TSLP: variants seen among roughly 807,000 people sequenced by gnomAD.
TSLP encodes the protein thymic stromal lymphopoietin, also known as thymic stroma-derived lymphopoietin.
In TSLP, 12 loss-of-function variants were observed where a neutral mutation model predicts 12.4. The observed-to-expected ratio is 0.97, with a 90% confidence interval of 0.62 to 1.57. The LOEUF (loss-of-function observed/expected upper bound fraction) is 1.57. TSLP is among the 40% of genes most tolerant of loss of function. The pLI is 0.00. For missense variants in TSLP, 222 were observed against 189.6 expected (o/e 1.17, Z -1.00); for synonymous variants, 97 against 69.5 (o/e 1.40, Z -1.97).
rs1561690426 is a variant in TSLP, at chr5:111,072,034, T to C, written c.144T>C (p.Ser48=). 8.7e-6 allele frequency: 14 copies of C among 1,613,978 alleles called. No individual in the cohort carries two copies. Among genetic ancestry groups the C allele is most frequent in the Non-Finnish European group, 1.2e-5 (14 of 1,179,992 alleles). ...AAGCAGCCTATCTCAGTACTATTTC[T>C]AAAGACCTGATTACATATATGAGTG... is the stretch of plus-strand genomic sequence containing the variant. ...KIKAAYLSTI[S]KDLITYMSGT... is the part of the protein sequence containing the mutation. Residue 48 remains serine (S), a synonymous_variant, in exon 1 of 4, where the codon TCT becomes TCC. Coordinates refer to ENST00000344895, the MANE Select transcript of TSLP (RefSeq NM_033035.5).
At chr5:111,075,281 A>C (rs1752467960) in intron 3 of TSLP, among the ~76,000 whole-genome samples, 1 of 152,128 alleles carries the variant, frequency 6.6e-6, no homozygotes, top group Non-Finnish European at 1.5e-5. Context: ...CCATGTGTCT[A>C]GGAGGCCCAG....
At chr5:111,071,126 T>C, upstream of TSLP, 1 of 250,552 alleles carries the variant, frequency 4.0e-6, no homozygotes, top group Non-Finnish European at 7.5e-6. Flanking sequence ...CATCAGATCT[T>C]TCCCCACTTA....
rs11466745 is a variant in TSLP, at chr5:111,074,593, T to C, written c.351+948T>C. On this transcript the variant is annotated intron_variant, in intron 3 of 3. Coordinates refer to ENST00000344895, the MANE Select transcript of TSLP (RefSeq NM_033035.5). ...CCTTATTAGCCTAGTGGACTTTATA[T>C]GTCTACAGTCTAGGTAGATGGACAC... Among the ~76,000 whole-genome samples, 578 of 151,774 alleles carry C rather than the reference T, an allele frequency of 3.8e-3. 7 individuals are homozygous for C. Among genetic ancestry groups the C allele is most frequent in the African/African-American group, 0.013 (538 of 41,322 alleles).
chr5:111,076,223 T>C lies in TSLP; in HGVS notation c.*149T>C. 1.1e-6 allele frequency: 1 copy of C among 946,526 alleles called. No individual in the cohort carries two copies. Among genetic ancestry groups the C allele is most frequent in the South Asian group, 1.6e-5 (1 of 62,740 alleles). 58.6% of individuals were successfully genotyped at this position (946,526 alleles called of 1,614,324 possible). ...TTTCTTAACTTACTTTTGTAAGTTT[T>C]TATTGTGTAAGTTTATAATGCAGGG... is the stretch of plus-strand genomic sequence containing the variant. On this transcript the variant is annotated 3_prime_UTR_variant, in exon 4 of 4. Coordinates refer to ENST00000344895, the MANE Select transcript of TSLP (RefSeq NM_033035.5).
chr5:111,074,041 A>G (rs1170622949), intron 3 of TSLP, among the ~76,000 whole-genome samples: 4 of 152,238 alleles, frequency 2.6e-5, no homozygotes, highest in African/African-American at 9.6e-5. Flanking sequence ...ATTCTTGTCC[A>G]GTCCAAAGTT....
At chr5:111,071,658 A>G, upstream of TSLP, 1 of 1,395,474 alleles carries the variant, frequency 7.2e-7, no homozygotes, top group African/African-American at 1.5e-5. Flanking sequence ...GGCCTAGGAG[A>G]AAAGAGCCCG....
At chr5:111,070,333 C>A (rs1752310645), upstream of TSLP, 1 of 152,496 alleles carries the variant, frequency 6.6e-6, no homozygotes, top group Non-Finnish European at 1.5e-5. Context: ...ACACGGCGTC[C>A]AACCTCCTTT....
rs1211750537 is a variant in TSLP at position 111,076,198 on chromosome 5, T to C, written c.*124T>C. The C allele has an allele frequency of 3.3e-5, 39 of 1,165,776 alleles. No homozygotes were observed. The highest frequency in any genetic ancestry group is 4.6e-5 in the Non-Finnish European group (37 of 812,878). 72.2% of individuals were successfully genotyped at this position (1,165,776 alleles called of 1,614,324 possible). A position where few individuals can be genotyped will look rare whatever the true frequency, so the allele number is the denominator to read the frequency against. On this transcript the variant is annotated 3_prime_UTR_variant, in exon 4 of 4. Coordinates refer to ENST00000344895, the MANE Select transcript of TSLP (RefSeq NM_033035.5). Reference sequence around the variant, plus strand: ...TAGTTATCTTTTAATTACAGAAGAGTTTCTTAACTTACTTTTGTAAGTTTT... The same window carrying C: ...TAGTTATCTTTTAATTACAGAAGAGCTTCTTAACTTACTTTTGTAAGTTTT...
intron 3 of TSLP, among the ~76,000 whole-genome samples, chr5:111,074,802 T>C (rs989143468): frequency 6.6e-6 from 1 of 152,018 alleles, no homozygotes; most frequent in Non-Finnish European, 1.5e-5. Context: ...GTATTTTTAG[T>C]AGAGACGGGG....
Position 111,073,357 on chromosome 5 carries a change from C to A in TSLP, c.217-154C>A, listed in dbSNP as rs551996711. ...CTCCCCCGCGGTTGGTTCTTCCTTG[C>A]TCTACTCAACCCTGACCTCTTCTCT... On this transcript the variant is annotated intron_variant, in intron 2 of 3. Coordinates refer to ENST00000344895, the MANE Select transcript of TSLP (RefSeq NM_033035.5). The A allele has an allele frequency of 4.7e-6, 7 of 1,492,532 alleles. No individual in the cohort carries two copies. In the Admixed American group the frequency reaches 1.5e-4, roughly 32 times the overall value. 92.5% of individuals were successfully genotyped at this position (1,492,532 alleles called of 1,614,324 possible).
In TSLP at chr5:111,076,523, T is replaced by C. The variant is rs1752511533; in HGVS notation, c.*449T>C. On this transcript the variant is annotated 3_prime_UTR_variant, in exon 4 of 4. Coordinates refer to ENST00000344895, the MANE Select transcript of TSLP (RefSeq NM_033035.5). ...GAAGAAAGTGAAAGCAAATGGGGTT[T>C]CACAAATAGTTGTAAATATAGTGAA... The C allele has an allele frequency of 6.2e-6, 1 of 160,032 alleles. No individual in the cohort carries two copies. The highest frequency in any genetic ancestry group is 1.4e-5 in the Non-Finnish European group (1 of 73,598). 9.9% of individuals were successfully genotyped at this position (160,032 alleles called of 1,614,324 possible).
Position 111,071,737 on chromosome 5 carries a change from A to C in TSLP, c.-154A>C. ...CATCAGGGAGACTCCAACTTAAGGC[A>C]ACAGCATGGGTGAATAAGGGCTTCC... On this transcript the variant is annotated 5_prime_UTR_variant, in exon 1 of 4. Coordinates refer to ENST00000344895, the MANE Select transcript of TSLP (RefSeq NM_033035.5). The C allele has an allele frequency of 8.1e-7, 1 of 1,229,046 alleles. No homozygotes were observed. 76.1% of individuals were successfully genotyped at this position (1,229,046 alleles called of 1,614,324 possible).
chr5:111,073,137 C>T (rs922826196), intron 2 of TSLP, among the ~76,000 whole-genome samples: 1 of 152,220 alleles, frequency 6.6e-6, no homozygotes, highest in Non-Finnish European at 1.5e-5. Flanking sequence ...GAGAGGAAGT[C>T]TCTATCCGGA....
Position 111,073,190 on chromosome 5 carries a change from G to A in TSLP, c.216+258G>A, listed in dbSNP as rs575928530. On this transcript the variant is annotated intron_variant, in intron 2 of 3. Coordinates refer to ENST00000344895, the MANE Select transcript of TSLP (RefSeq NM_033035.5). ...ACTGGGACGAGGGAACGTTGTTAGG[G>A]GCACCACCTGCTGGGGTCCGGCGCC... 1.1e-4 allele frequency: 109 copies of A among 1,009,604 alleles called. 1 individual carries two copies. In the African/African-American group the frequency reaches 1.5e-3, roughly 14 times the overall value. 62.5% of individuals were successfully genotyped at this position (1,009,604 alleles called of 1,614,324 possible). A position where few individuals can be genotyped will look rare whatever the true frequency, so the allele number is the denominator to read the frequency against.
rs1159752877 is a variant in TSLP, at chr5:111,076,364, G to A, written c.*290G>A. ...TTGCTCAAGAGGAAAATCCAAAAGT[G>A]CAGCAGGAGAACTCTTTTCCCTGAA... On this transcript the variant is annotated 3_prime_UTR_variant, in exon 4 of 4. Transcript: ENST00000344895. The A allele has an allele frequency of 6.6e-6, 2 of 304,154 alleles. No individual in the cohort carries two copies. Among genetic ancestry groups the A allele is most frequent in the Non-Finnish European group, 1.2e-5 (2 of 165,730 alleles). The allele number at this position is 304,154 out of a possible 1,614,324, so 18.8% of individuals were successfully genotyped here.
upstream of TSLP, chr5:111,070,830 T>G (rs912110971): frequency 2.0e-5 from 3 of 152,194 alleles, no homozygotes; most frequent in Non-Finnish European, 4.4e-5. Flanking sequence ...CACTAAAGCG[T>G]GCGCCGCCTC....
At chr5:111,070,728 T>G (rs1392279584), upstream of TSLP, 6 of 152,332 alleles carry the variant, frequency 3.9e-5, no homozygotes, top group Non-Finnish European at 5.9e-5. Flanking sequence ...ATGCTTCTCC[T>G]GTCTCTAAAA....
In TSLP at chr5:111,072,937, G is replaced by A; in HGVS notation, c.216+5G>A. The A allele has an allele frequency of 6.2e-7, 1 of 1,614,222 alleles. No homozygotes were observed. Among genetic ancestry groups the A allele is most frequent in the African/African-American group, 1.3e-5 (1 of 75,054 alleles). On this transcript the variant is annotated splice_donor_5th_base_variant and intron_variant, in intron 2 of 3. Transcript: ENST00000344895. ...ACCGTCTCTTGTAGCAATCGGGTGAGTAGAGAGTTCAGTGCTGCTGGCTTT... is the reference window on the plus strand; with the variant it reads ...ACCGTCTCTTGTAGCAATCGGGTGAATAGAGAGTTCAGTGCTGCTGGCTTT...
upstream of TSLP, chr5:111,071,538 CT>C (rs1752338145): frequency 4.5e-6 from 7 of 1,543,140 alleles, no homozygotes; most frequent in East Asian, 1.5e-4. Context: ...TTCCTGATGA[CT>C]TTACTGATGT....
Sources: gnomAD v4.1 joint callset for allele counts (sites outside exome capture counted in the v4.1 genomes callset) on GRCh38, gnomAD v4.1.1 for gene constraint, MANE v1.5 for transcripts, NCBI Gene and HGNC (gene_info 2026-07-23, HGNC 2026-07-21) for gene names.